The following IQCJ variants were observed in gnomAD, a reference collection of about 807,000 sequenced individuals.
IQCJ encodes IQ domain-containing protein J.
Under a neutral mutation model 11.0 loss-of-function variants are expected in IQCJ, and 9 were observed. The observed-to-expected ratio is 0.82, with a 90% CI of 0.49 to 1.43. The LOEUF is 1.43. Ranked by LOEUF, IQCJ falls within the 40% of genes most tolerant of loss-of-function variation. The probability of loss-of-function intolerance (pLI) is 0.00; values close to 1 mark genes in which losing one functional copy is unlikely to be tolerated. For missense variants in IQCJ, 146 were observed against 133.2 expected (o/e 1.10, Z -0.47); for synonymous variants, 55 against 51.3 (o/e 1.07, Z -0.31).
intron 1 of IQCJ, among the ~76,000 whole-genome samples, chr3:159,143,450 G>A (rs1035532454): frequency 6.6e-5 from 10 of 151,648 alleles, no homozygotes; most frequent in Admixed American, 1.3e-4. Context: ...TCATCCCTTC[G>A]TTGCTCTTTT....
intron 1 of IQCJ, among the ~76,000 whole-genome samples, chr3:159,194,346 C>T (rs554836538): frequency 5.3e-5 from 8 of 152,298 alleles, no homozygotes; most frequent in South Asian, 2.1e-4. Flanking sequence ...TTAACCATGT[C>T]GATAGCTCTC....
intron 1 of IQCJ, among the ~76,000 whole-genome samples, chr3:159,114,848 G>T (rs552150587): frequency 6.6e-6 from 1 of 152,084 alleles, no homozygotes; most frequent in Non-Finnish European, 1.5e-5. Flanking sequence ...GATCTGCTCC[G>T]GAAGCTCAAA....
At chr3:159,140,291 A>G (rs951208764) in intron 1 of IQCJ, among the ~76,000 whole-genome samples, 4 of 152,188 alleles carry the variant, frequency 2.6e-5, no homozygotes, top group Non-Finnish European at 4.4e-5. Flanking sequence ...TTTAAATAGC[A>G]ATGATAAAGG....
intron 1 of IQCJ, among the ~76,000 whole-genome samples, chr3:159,087,807 C>A (rs1244311798): frequency 6.6e-6 from 1 of 151,772 alleles, no homozygotes; most frequent in East Asian, 1.9e-4. Context: ...AGTCTTCTCT[C>A]TTTTTTTCTT....
At chr3:159,120,541 G>A (rs1464097956) in intron 1 of IQCJ, among the ~76,000 whole-genome samples, 2 of 152,216 alleles carry the variant, frequency 1.3e-5, no homozygotes, top group Non-Finnish European at 2.9e-5. Context: ...TCTGGGGAAA[G>A]CTGGAAGCCC....
chr3:159,086,174 A>G (rs1716751403), intron 1 of IQCJ, among the ~76,000 whole-genome samples: 1 of 152,146 alleles, frequency 6.6e-6, no homozygotes, highest in Non-Finnish European at 1.5e-5. Context: ...TAAATAGGGA[A>G]TCCTTTCCCC....
chr3:159,202,687 A>G (rs767975278), intron 1 of IQCJ, among the ~76,000 whole-genome samples: 1 of 152,180 alleles, frequency 6.6e-6, no homozygotes, highest in Non-Finnish European at 1.5e-5. Context: ...TTTTAGAGAC[A>G]TGGTCTTGTT....
chr3:159,100,977 G>A (rs1463528376), intron 1 of IQCJ, among the ~76,000 whole-genome samples: 65 of 20,836 alleles, frequency 3.1e-3, no homozygotes, highest in African/African-American at 0.012. Context: ...CCTCGTTGCC[G>A]CCTTGCAGTT....
intron 1 of IQCJ, among the ~76,000 whole-genome samples, chr3:159,243,972 A>G (rs1727090609): frequency 6.6e-6 from 1 of 152,258 alleles, no homozygotes; most frequent in Non-Finnish European, 1.5e-5. Context: ...GGTAAGAGGA[A>G]GAAATGAGTA....
rs557175731 is a variant in IQCJ at position 159,115,704 on chromosome 3, G to T, written c.9+46263G>T. 1.1e-4 allele frequency among the ~76,000 whole-genome samples: 17 copies of T among 152,244 alleles called. No individual in the cohort carries two copies. In the South Asian group the frequency reaches 3.3e-3, roughly 30 times the overall value. ...CTCATGCAATTGTCTTGTATTTGGG[G>T]ATCCTACAAGAGGTAATTTTAGTCT... On this transcript the variant is annotated intron_variant, in intron 1 of 3. Coordinates refer to ENST00000397832, the MANE Select transcript of IQCJ (RefSeq NM_001042706.3).
chr3:159,162,879 G>A (rs1293602206), intron 1 of IQCJ, among the ~76,000 whole-genome samples: 2 of 152,188 alleles, frequency 1.3e-5, no homozygotes, highest in Admixed American at 6.5e-5. Context: ...CCAGGAAGAA[G>A]TTGAATCTCT....
chr3:159,146,098 G>A (rs1370303073), intron 1 of IQCJ, among the ~76,000 whole-genome samples: 1 of 152,112 alleles, frequency 6.6e-6, no homozygotes, highest in African/African-American at 2.4e-5. Flanking sequence ...GATTGGAAAG[G>A]GGCAATTACA....
At chr3:159,249,147 C>T (rs1478998633) in intron 2 of IQCJ, among the ~76,000 whole-genome samples, 4 of 152,110 alleles carry the variant, frequency 2.6e-5, no homozygotes, top group African/African-American at 4.8e-5. Context: ...TGAGCCACTG[C>T]GCTCAACCCA....
intron 1 of IQCJ, among the ~76,000 whole-genome samples, chr3:159,103,708 T>C (rs1718072481): frequency 6.6e-6 from 1 of 152,238 alleles, no homozygotes; most frequent in Non-Finnish European, 1.5e-5. Context: ...AATCACCCAC[T>C]TGTCCATGGT....
intron 1 of IQCJ, among the ~76,000 whole-genome samples, chr3:159,111,901 A>G (rs902726874): frequency 6.6e-6 from 1 of 152,186 alleles, no homozygotes; most frequent in African/African-American, 2.4e-5. Flanking sequence ...ACATTTATAC[A>G]TACTTAAATA....
At chr3:159,106,069 C>T (rs1196684913) in intron 1 of IQCJ, among the ~76,000 whole-genome samples, 1 of 151,992 alleles carries the variant, frequency 6.6e-6, no homozygotes, top group Non-Finnish European at 1.5e-5. Context: ...GAGCAAATAA[C>T]ATTTGCTAGT....
intron 1 of IQCJ, among the ~76,000 whole-genome samples, chr3:159,216,402 A>G (rs1324992823): frequency 6.6e-6 from 1 of 152,200 alleles, no homozygotes; most frequent in African/African-American, 2.4e-5. Flanking sequence ...ATGCTTCTGC[A>G]TGTAAATTGC....
chr3:159,073,223 G>C (rs1052405809), intron 1 of IQCJ, among the ~76,000 whole-genome samples: 1 of 152,112 alleles, frequency 6.6e-6, no homozygotes, highest in Admixed American at 6.6e-5. Context: ...GAGCATGGCT[G>C]TGGCTTAAAA....
At chr3:159,104,336 T>G (rs1027455508) in intron 1 of IQCJ, among the ~76,000 whole-genome samples, 2 of 152,202 alleles carry the variant, frequency 1.3e-5, no homozygotes, top group Admixed American at 1.3e-4. Context: ...TCTTAGCTCC[T>G]AATGATAACA....
Sources: allele counts gnomAD v4.1 joint callset (sites outside exome capture counted in the v4.1 genomes callset), GRCh38; gene constraint gnomAD v4.1.1; transcripts MANE v1.5; gene names NCBI Gene and HGNC (gene_info 2026-07-23, HGNC 2026-07-21).